SNTG1: variants seen among roughly 807,000 people sequenced by gnomAD.
SNTG1 encodes the protein gamma-1-syntrophin.
A neutral mutation model predicts 74.7 loss-of-function variants in SNTG1; 39 were observed. That is an observed-to-expected ratio of 0.52 (90% CI 0.40 to 0.68). The LOEUF is 0.68. SNTG1 is among the 30% of genes least tolerant of loss of function. The probability of loss-of-function intolerance (pLI) is 0.00; values close to 1 mark genes in which losing one functional copy is unlikely to be tolerated. For synonymous variants in SNTG1, 254 were observed against 217.1 expected (o/e 1.17, Z -1.49); for missense variants, 685 against 609.5 (o/e 1.12, Z -1.30).
intron 1 of SNTG1, chr8:50,164,284 A>G (rs1181061935): frequency 6.6e-6 from 1 of 152,070 alleles, no homozygotes; most frequent in Non-Finnish European, 1.5e-5. Context: ...CGTGATGCAC[A>G]GTTACAAAGA....
intron 2 of SNTG1, among the ~76,000 whole-genome samples, chr8:50,336,212 A>T (rs887810554): frequency 6.6e-6 from 1 of 152,224 alleles, no homozygotes; most frequent in African/African-American, 2.4e-5. Context: ...GAAATAAAAA[A>T]GAATTTGGAG....
At chr8:50,699,732 G>A (rs1585575692) in intron 15 of SNTG1, among the ~76,000 whole-genome samples, 1 of 151,994 alleles carries the variant, frequency 6.6e-6, no homozygotes, top group Non-Finnish European at 1.5e-5. Flanking sequence ...CTTTCTACTG[G>A]GGCATAAGTC....
intron 1 of SNTG1, among the ~76,000 whole-genome samples, chr8:50,010,586 G>C (rs910134772): frequency 3.3e-5 from 5 of 151,856 alleles, no homozygotes; most frequent in African/African-American, 1.2e-4. Context: ...ATTTTCTAAA[G>C]AATGACAAAT....
At chr8:50,515,598 A>C (rs1187666791) in intron 9 of SNTG1, among the ~76,000 whole-genome samples, 1 of 152,028 alleles carries the variant, frequency 6.6e-6, no homozygotes, top group Non-Finnish European at 1.5e-5. Flanking sequence ...TTGATCTGGG[A>C]CACTCAAGCT....
intron 1 of SNTG1, among the ~76,000 whole-genome samples, chr8:50,005,582 G>T (rs902538831): frequency 6.6e-6 from 1 of 151,942 alleles, no homozygotes; most frequent in African/African-American, 2.4e-5. Context: ...TGCAATAAGG[G>T]TTACTATATA....
intron 17 of SNTG1, among the ~76,000 whole-genome samples, chr8:50,733,944 T>A (rs2131630181): frequency 6.6e-6 from 1 of 151,954 alleles, no homozygotes; most frequent in Admixed American, 6.6e-5. Context: ...TTCATATATT[T>A]CCAAAATTAC....
chr8:50,270,271 C>A lies in SNTG1; in HGVS notation c.-28+97636C>A, dbSNP rs10089530. 6.0e-3 allele frequency among the ~76,000 whole-genome samples: 906 copies of A among 152,192 alleles called. 9 individuals carry two copies. Among genetic ancestry groups the A allele is most frequent in the African/African-American group, 0.021 (854 of 41,542 alleles). Reference sequence around the variant, plus strand: ...GTGACAGACGCTATTAAAAGTGTTTCAGTGGGGCCACACAGAGATGAAACA... The same window carrying A: ...GTGACAGACGCTATTAAAAGTGTTTAAGTGGGGCCACACAGAGATGAAACA... On this transcript the variant is annotated intron_variant, in intron 2 of 18. Coordinates refer to ENST00000642720, the MANE Select transcript of SNTG1 (RefSeq NM_018967.5).
chr8:50,454,181 A>C (rs530931766), intron 8 of SNTG1, among the ~76,000 whole-genome samples: 1 of 152,318 alleles, frequency 6.6e-6, no homozygotes, highest in African/African-American at 2.4e-5. Flanking sequence ...CTTTTGCTTA[A>C]CAAGTAAACT....
intron 4 of SNTG1, among the ~76,000 whole-genome samples, chr8:50,434,044 C>A (rs1217740177): frequency 6.8e-6 from 1 of 148,008 alleles, no homozygotes; most frequent in Admixed American, 6.8e-5. Context: ...CCCCCCTCCC[C>A]CTACCCCATG....
chr8:50,097,339 G>C (rs1194652309), intron 1 of SNTG1, among the ~76,000 whole-genome samples: 1 of 151,942 alleles, frequency 6.6e-6, no homozygotes, highest in Admixed American at 6.6e-5. Context: ...GTTTTTGCTA[G>C]GAACTAATAG....
chr8:50,021,957 A>G (rs1199791890), intron 1 of SNTG1, among the ~76,000 whole-genome samples: 3 of 151,686 alleles, frequency 2.0e-5, no homozygotes, highest in Non-Finnish European at 4.4e-5. Context: ...AATAAAAATA[A>G]AAATAAAAAT....
At chr8:50,271,008 A>G (rs1403620424) in intron 2 of SNTG1, among the ~76,000 whole-genome samples, 1 of 152,240 alleles carries the variant, frequency 6.6e-6, no homozygotes, top group Non-Finnish European at 1.5e-5. Context: ...ACTCAGAGAC[A>G]GAAAAATAGA....
At chr8:50,158,957 G>A (rs1364014634) in intron 1 of SNTG1, among the ~76,000 whole-genome samples, 1 of 152,092 alleles carries the variant, frequency 6.6e-6, no homozygotes, top group Non-Finnish European at 1.5e-5. Context: ...TTACAAACCA[G>A]TTGCTCCTCT....
intron 1 of SNTG1, among the ~76,000 whole-genome samples, chr8:50,086,384 G>A (rs1822888631): frequency 6.6e-6 from 1 of 152,130 alleles, no homozygotes; most frequent in Non-Finnish European, 1.5e-5. Context: ...AAGGATTATG[G>A]ACTGAATTAA....
intron 17 of SNTG1, among the ~76,000 whole-genome samples, chr8:50,716,811 C>A (rs1478998542): frequency 2.0e-5 from 3 of 151,630 alleles, no homozygotes; most frequent in African/African-American, 7.3e-5. Context: ...CAGCTCACTG[C>A]AAGCTCCACC....
chr8:50,162,574 A>G lies in SNTG1; in HGVS notation c.-102-9987A>G, dbSNP rs112980127. On this transcript the variant is annotated intron_variant, in intron 1 of 18. Transcript: ENST00000642720. The stretch of plus-strand genomic sequence containing the variant: ...GACTCTGTCTCAAAAAAAAAAAAAA[A>G]AAAGAAAAAAAAAGAAAGAAAACAC... Among the ~76,000 whole-genome samples the G allele has an allele frequency of 4.2e-3, 638 of 150,658 alleles. 5 individuals carry two copies. The highest frequency in any genetic ancestry group is 0.015 in the African/African-American group (601 of 40,640).
At chr8:50,330,137 T>C (rs1271357979) in intron 2 of SNTG1, among the ~76,000 whole-genome samples, 1 of 152,194 alleles carries the variant, frequency 6.6e-6, no homozygotes, top group Non-Finnish European at 1.5e-5. Context: ...TGGAAGTAAT[T>C]GAATCATGGG....
chr8:50,194,165 A>G (rs1227150192), intron 2 of SNTG1, among the ~76,000 whole-genome samples: 1 of 152,126 alleles, frequency 6.6e-6, no homozygotes, highest in African/African-American at 2.4e-5. Flanking sequence ...TTTAGGTATT[A>G]GGGTGATGCT....
chr8:50,171,642 C>T (rs1300241900), intron 1 of SNTG1, among the ~76,000 whole-genome samples: 2 of 152,188 alleles, frequency 1.3e-5, no homozygotes, highest in Non-Finnish European at 2.9e-5. Flanking sequence ...TTAACCATCA[C>T]ACCATCCAAG....
Sources: gnomAD v4.1 joint callset for allele counts (sites outside exome capture counted in the v4.1 genomes callset) on GRCh38, gnomAD v4.1.1 for gene constraint, MANE v1.5 for transcripts, NCBI Gene and HGNC (gene_info 2026-07-23, HGNC 2026-07-21) for gene names.